PRKCZ: variants seen among roughly 807,000 people sequenced by gnomAD.
PRKCZ encodes the protein protein kinase C zeta.
PRKCZ carries 33 observed loss-of-function variants against 79.5 expected under a neutral mutation model. The ratio of observed to expected loss-of-function variants is 0.41; its 90% CI spans 0.31 to 0.55. PRKCZ has a LOEUF of 0.55. Among genes scored for constraint, PRKCZ ranks in the 20% least tolerant of loss-of-function variants. The probability of loss-of-function intolerance (pLI) is 0.19; values close to 1 mark genes in which losing one functional copy is unlikely to be tolerated. For missense variants in PRKCZ, 578 were observed against 813.5 expected (o/e 0.71, Z 3.52); for synonymous variants, 342 against 320.9 (o/e 1.07, Z -0.70).
intron 4 of PRKCZ, among the ~76,000 whole-genome samples, chr1:2,107,800 C>T (rs1474560420): frequency 6.6e-6 from 1 of 151,744 alleles, no homozygotes; most frequent in Non-Finnish European, 1.5e-5. Context: ...TCCCCCAGGG[C>T]AGTGTCGGGA....
chr1:2,054,735 C>T (rs1659996945), intron 1 of PRKCZ, among the ~76,000 whole-genome samples: 1 of 152,142 alleles, frequency 6.6e-6, no homozygotes, highest in African/African-American at 2.4e-5. Flanking sequence ...GTTTCCTTTA[C>T]CTTAGTGAAG....
Position 2,148,874 on chromosome 1 carries a change from G to T in PRKCZ, c.637G>T (p.Ala213Ser). The T allele has an allele frequency of 4.3e-6, 7 of 1,613,872 alleles. No individual in the cohort carries two copies. The highest frequency in any genetic ancestry group is 5.9e-6 in the Non-Finnish European group (7 of 1,179,860). ...TTCCTTCCTCCCTCTCTCACCAGTT[G>T]CTTACATTTCCTCATCCCGGAAGCA... Reference protein sequence around the residue: ...DLPSEETDGIAYISSSRKHDS... With the variant: ...DLPSEETDGISYISSSRKHDS... The change falls in exon 8 of 18, where the codon GCT becomes TCT. Residue 213 changes from alanine to serine, a missense_variant and splice_region_variant. Ala to Ser is a moderately conservative substitution (Grantham distance 99, BLOSUM62 1). Transcript: ENST00000378567.
At chr1:2,180,093 C>G (rs569334747) in intron 16 of PRKCZ, among the ~76,000 whole-genome samples, 13 of 152,294 alleles carry the variant, frequency 8.5e-5, no homozygotes, top group Admixed American at 5.9e-4. Flanking sequence ...GGTGCCAGCT[C>G]CACTACCCAG....
At chr1:2,084,762 C>A (rs1025859507) in intron 4 of PRKCZ, among the ~76,000 whole-genome samples, 3 of 152,142 alleles carry the variant, frequency 2.0e-5, no homozygotes, top group Admixed American at 6.5e-5. Flanking sequence ...CCCAGCACTT[C>A]GGGAGGCCTA....
rs1679300627 is a variant in PRKCZ, at chr1:2,148,984, GTC to G, written c.687+64_687+65del. On this transcript the variant is annotated intron_variant, in intron 8 of 17. Transcript: ENST00000378567. Reference sequence around the variant, plus strand: ...CGTCCTCTGGAAAGTCTGTGAGCCTGTCTCTGGGGTAGTCACGGAAATCTAGA... The same window carrying G: ...CGTCCTCTGGAAAGTCTGTGAGCCTGTCTGGGGTAGTCACGGAAATCTAGA... 43 of 1,544,238 alleles carry G rather than the reference GTC, an allele frequency of 2.8e-5. 2 individuals are homozygous for G. The South Asian group carries it at 4.4e-4, about 16-fold the overall frequency.
chr1:2,055,819 C>G, intron 2 of PRKCZ: 1 of 443,466 alleles, frequency 2.3e-6, no homozygotes, highest in Non-Finnish European at 4.0e-6. Context: ...CCTGCCCCAC[C>G]CTGGGCAGGT....
At chr1:2,121,034 G>A (rs1230653674) in intron 4 of PRKCZ, among the ~76,000 whole-genome samples, 1 of 151,876 alleles carries the variant, frequency 6.6e-6, no homozygotes, top group African/African-American at 2.4e-5. Flanking sequence ...GGCTGGTCTC[G>A]AACTCCTGAC....
chr1:2,082,410 T>C lies in PRKCZ; in HGVS notation c.334+22819T>C. The C allele has an allele frequency of 2.2e-6, 1 of 456,344 alleles. No individual in the cohort carries two copies. The highest frequency in any genetic ancestry group is 4.4e-6 in the Non-Finnish European group (1 of 226,972). 28.3% of individuals were successfully genotyped at this position (456,344 alleles called of 1,614,324 possible). The stretch of plus-strand genomic sequence containing the variant: ...CTGGTAGTTTGTGTTTATTTATTTA[T>C]CTTGGCCAGCAGAGAGAATTGAGTT... On this transcript the variant is annotated intron_variant, in intron 4 of 17. Transcript: ENST00000378567. This position sits in a 1 kb window ranked among gnomAD's most constrained non-coding sequence, Gnocchi z 4.4.
chr1:2,087,702 C>T (rs1236497336), intron 4 of PRKCZ, among the ~76,000 whole-genome samples: 1 of 152,086 alleles, frequency 6.6e-6, no homozygotes, highest in African/African-American at 2.4e-5. Flanking sequence ...AAATGAATAA[C>T]AGGTGGTTTT....
intron 5 of PRKCZ, among the ~76,000 whole-genome samples, chr1:2,138,349 G>T (rs535110882): frequency 6.6e-6 from 1 of 152,304 alleles, no homozygotes; most frequent in East Asian, 1.9e-4. Flanking sequence ...AGCGTTCAGT[G>T]GGGGAGCCAA....
At chr1:2,126,260 T>C (rs116140827) in intron 4 of PRKCZ, among the ~76,000 whole-genome samples, 1 of 152,172 alleles carries the variant, frequency 6.6e-6, no homozygotes, top group African/African-American at 2.4e-5. Context: ...AATTTTCAGC[T>C]CAAAAACCAA....
intron 4 of PRKCZ, among the ~76,000 whole-genome samples, chr1:2,119,807 A>C (rs1571541003): frequency 9.1e-6 from 1 of 110,160 alleles, no homozygotes; most frequent in African/African-American, 3.7e-5. Flanking sequence ...TTTTTTTGAG[A>C]TGGATTTTTG....
chr1:2,169,146 G>T (rs1374299361), intron 10 of PRKCZ: 5 of 459,048 alleles, frequency 1.1e-5, no homozygotes, highest in Non-Finnish European at 1.8e-5. Flanking sequence ...AAACTGCCTC[G>T]CTCCAGCCCC....
At chr1:2,074,016 G>GCATTT (rs1480371837) in intron 4 of PRKCZ, 41 of 1,431,296 alleles carry the variant, frequency 2.9e-5, no homozygotes, top group Non-Finnish European at 3.4e-5. Flanking sequence ...GCGGAGGACG[G>GCATTT]TGCCCGAGTC....
chr1:2,133,375 C>T (rs999843326), intron 4 of PRKCZ, among the ~76,000 whole-genome samples: 3 of 149,626 alleles, frequency 2.0e-5, no homozygotes, highest in Non-Finnish European at 4.5e-5. Flanking sequence ...GCCCCCTCGG[C>T]TGTGCGTCTG....
rs966738821 is a variant in PRKCZ, at chr1:2,172,590, T to G, written c.1285+202T>G. On this transcript the variant is annotated intron_variant, in intron 13 of 17. Transcript: ENST00000378567. This position sits in a 1 kb window ranked among gnomAD's most constrained non-coding sequence, Gnocchi z 7.8. ...CTCCCATGTCCACTTGAGCAGCTCC[T>G]TGGGGAGGGCACTGCACAGGATTCC... Among the ~76,000 whole-genome samples the G allele has an allele frequency of 6.6e-6, 1 of 152,124 alleles. No homozygotes were observed. The highest frequency in any genetic ancestry group is 1.5e-5 in the Non-Finnish European group (1 of 68,016).
chr1:2,109,746 A>T (rs891730087), intron 4 of PRKCZ, among the ~76,000 whole-genome samples: 54 of 152,028 alleles, frequency 3.6e-4, no homozygotes, highest in African/African-American at 1.3e-3. Flanking sequence ...TGTACAGCCC[A>T]GCCTGTAGAG....
chr1:2,165,371 T>C lies in PRKCZ; in HGVS notation c.975-4147T>C, dbSNP rs1326217461. On this transcript the variant is annotated intron_variant, in intron 10 of 17. Coordinates refer to ENST00000378567, the MANE Select transcript of PRKCZ (RefSeq NM_002744.6). This position sits in a 1 kb window ranked among gnomAD's most constrained non-coding sequence, Gnocchi z 4.1. Reference sequence around the variant, plus strand: ...TGGGCCCGCCCGAGTCATCTGATGTTGGGTCTGACAAGCCAGGAGCTGTGT... The same window carrying C: ...TGGGCCCGCCCGAGTCATCTGATGTCGGGTCTGACAAGCCAGGAGCTGTGT... Among the ~76,000 whole-genome samples the C allele has an allele frequency of 6.6e-6, 1 of 152,066 alleles. No individual in the cohort carries two copies. The highest frequency in any genetic ancestry group is 1.5e-5 in the Non-Finnish European group (1 of 68,022).
At chr1:2,113,993 G>T (rs760609202) in intron 4 of PRKCZ, among the ~76,000 whole-genome samples, 2 of 152,222 alleles carry the variant, frequency 1.3e-5, no homozygotes, top group South Asian at 4.1e-4. Context: ...GCTCCACGGG[G>T]CTGGCTCTGG....
Sources: allele counts gnomAD v4.1 joint callset (sites outside exome capture counted in the v4.1 genomes callset), GRCh38; gene constraint gnomAD v4.1.1; non-coding constraint Gnocchi (gnomAD v3.1); transcripts MANE v1.5; gene names NCBI Gene and HGNC (gene_info 2026-07-23, HGNC 2026-07-21).